Variants in SH3RF3 observed in about 807,000 individuals in gnomAD.
SH3RF3 encodes E3 ubiquitin-protein ligase SH3RF3.
Under a neutral mutation model 66.3 loss-of-function variants are expected in SH3RF3, and 29 were observed. The ratio of observed to expected loss-of-function variants is 0.44; its 90% CI spans 0.33 to 0.60. The LOEUF (loss-of-function observed/expected upper bound fraction) is 0.60, where lower values mean the gene tolerates loss of function less well. SH3RF3 is among the 20% of genes least tolerant of loss of function. The pLI is 0.04. For synonymous variants in SH3RF3, 583 were observed against 532.0 expected, an observed-to-expected ratio of 1.10 and a Z score of -1.32; for missense variants, 1,194 against 1,190.9, an observed-to-expected ratio of 1.00 and a Z score of -0.04.
chr2:109,131,178 CTAAGGT>C (rs1447312601), intron 1 of SH3RF3, among the ~76,000 whole-genome samples: 6 of 152,244 alleles, frequency 3.9e-5, no homozygotes, highest in African/African-American at 1.4e-4. Flanking sequence ...CTGCAAATCT[CTAAGGT>C]TAAGGTTAGG....
At chr2:109,366,722 A>G (rs891101596) in intron 2 of SH3RF3, among the ~76,000 whole-genome samples, 5 of 152,164 alleles carry the variant, frequency 3.3e-5, no homozygotes, top group African/African-American at 1.2e-4. Flanking sequence ...GTGTGGTGGC[A>G]CACGCCTGTG....
At chr2:109,399,949 G>A (rs1425742744) in intron 4 of SH3RF3, among the ~76,000 whole-genome samples, 10 of 152,162 alleles carry the variant, frequency 6.6e-5, no homozygotes. Context: ...TCCACCCAGC[G>A]GCCCACCCGC....
At chr2:109,147,230 C>G (rs148613548) in intron 1 of SH3RF3, among the ~76,000 whole-genome samples, 3 of 152,214 alleles carry the variant, frequency 2.0e-5, no homozygotes, top group East Asian at 1.9e-4. Flanking sequence ...TACAGCTGTC[C>G]GCTGCTGCTG....
At chr2:109,195,522 T>G (rs1176432286) in intron 1 of SH3RF3, among the ~76,000 whole-genome samples, 1 of 152,220 alleles carries the variant, frequency 6.6e-6, no homozygotes, top group Non-Finnish European at 1.5e-5. Context: ...CTACGTTCTT[T>G]AGAGGCCTGC....
chr2:109,251,884 G>A (rs941922780), intron 1 of SH3RF3, among the ~76,000 whole-genome samples: 2 of 152,072 alleles, frequency 1.3e-5, no homozygotes, highest in African/African-American at 4.8e-5. Context: ...GGGTTCCAGG[G>A]TTCTAGACTT....
intron 1 of SH3RF3, among the ~76,000 whole-genome samples, chr2:109,161,915 C>T (rs941165667): frequency 6.6e-6 from 1 of 152,004 alleles, no homozygotes; most frequent in Non-Finnish European, 1.5e-5. Context: ...TATCACCTAT[C>T]ACTCAGTGGT....
chr2:109,290,018 G>A (rs947997036), intron 1 of SH3RF3, among the ~76,000 whole-genome samples: 6 of 152,202 alleles, frequency 3.9e-5, no homozygotes, highest in African/African-American at 1.2e-4. Context: ...TTAAAATGCA[G>A]ATTCCGATTC....
At chr2:109,374,596 C>T (rs1456735749) in intron 3 of SH3RF3, among the ~76,000 whole-genome samples, 1 of 152,210 alleles carries the variant, frequency 6.6e-6, no homozygotes, top group Non-Finnish European at 1.5e-5. Context: ...TCTTGGGCTA[C>T]TGCACAGGCA....
At chr2:109,233,500 G>A (rs1425992053) in intron 1 of SH3RF3, among the ~76,000 whole-genome samples, 1 of 152,224 alleles carries the variant, frequency 6.6e-6, no homozygotes, top group Non-Finnish European at 1.5e-5. Flanking sequence ...ATAGGTACAG[G>A]ATGGGGGTGT....
chr2:109,370,122 G>T (rs1200498105), intron 2 of SH3RF3, among the ~76,000 whole-genome samples: 1 of 152,222 alleles, frequency 6.6e-6, no homozygotes, highest in Non-Finnish European at 1.5e-5. Flanking sequence ...TGGTTCCGGA[G>T]AAGGGAACAG....
At chr2:109,379,709 A>G (rs1475570863) in intron 3 of SH3RF3, among the ~76,000 whole-genome samples, 3 of 152,168 alleles carry the variant, frequency 2.0e-5, no homozygotes, top group South Asian at 2.1e-4. Context: ...GTGGATGCCA[A>G]TCCTGCTTGC....
chr2:109,481,985 G>A (rs1678848452), intron 8 of SH3RF3, among the ~76,000 whole-genome samples: 2 of 152,194 alleles, frequency 1.3e-5, no homozygotes. Context: ...AGACCTCAAC[G>A]GTGCATTCTA....
At chr2:109,204,462 T>C (rs2105082164) in intron 1 of SH3RF3, among the ~76,000 whole-genome samples, 1 of 152,374 alleles carries the variant, frequency 6.6e-6, no homozygotes, top group South Asian at 2.1e-4. Flanking sequence ...CTGGGTTCAC[T>C]TGTGGCTTTT....
At chr2:109,145,881 C>T (rs958729612) in intron 1 of SH3RF3, among the ~76,000 whole-genome samples, 25 of 152,272 alleles carry the variant, frequency 1.6e-4, no homozygotes, top group African/African-American at 3.1e-4. Context: ...GGGGAGGCTG[C>T]GTAGGGCTAT....
At chr2:109,448,996 G>C (rs545586494) in intron 7 of SH3RF3, among the ~76,000 whole-genome samples, 174 bp from the exon 8 acceptor site, 2 of 152,292 alleles carry the variant, frequency 1.3e-5, no homozygotes, top group South Asian at 2.1e-4. Context: ...GCATTTTCAG[G>C]GTTTCTTGGC....
chr2:109,135,363 T>C (rs1433424593), intron 1 of SH3RF3, among the ~76,000 whole-genome samples: 1 of 152,216 alleles, frequency 6.6e-6, no homozygotes, highest in Non-Finnish European at 1.5e-5. Context: ...AAGGTGGTTT[T>C]AATCTTGGCT....
intron 1 of SH3RF3, among the ~76,000 whole-genome samples, chr2:109,176,701 C>T (rs1055715440): frequency 2.0e-5 from 3 of 152,120 alleles, no homozygotes; most frequent in African/African-American, 7.2e-5. Context: ...GGTGTCACCG[C>T]ACTCTAGCCT....
rs1676626416 is a variant in SH3RF3, at chr2:109,129,540, C to G, written c.-1C>G. On this transcript the variant is annotated 5_prime_UTR_variant, in exon 1 of 10. Transcript: ENST00000309415. ...GCGAGACCGCTGCGGGCGCCTCCCC[C>G]ATGCTGCTCGGAGCGTCCTGGCTGT... 1.3e-6 allele frequency: 2 copies of G among 1,496,610 alleles called. No individual in the cohort carries two copies. The highest frequency in any genetic ancestry group is 1.8e-6 in the Non-Finnish European group (2 of 1,130,074). 92.7% of individuals were successfully genotyped at this position (1,496,610 alleles called of 1,614,324 possible).
intron 5 of SH3RF3, among the ~76,000 whole-genome samples, chr2:109,422,571 GTC>G (rs1481952390): frequency 6.6e-6 from 1 of 151,674 alleles, no homozygotes; most frequent in African/African-American, 2.4e-5. Flanking sequence ...CTGCAGAGAC[GTC>G]TCTCATTCCT....
Sources: gnomAD v4.1 joint callset for allele counts (sites outside exome capture counted in the v4.1 genomes callset) on GRCh38, gnomAD v4.1.1 for gene constraint, MANE v1.5 for transcripts, NCBI Gene and HGNC (gene_info 2026-07-23, HGNC 2026-07-21) for gene names.